The following EIF3E variants were observed in gnomAD, a reference collection of about 807,000 sequenced individuals.
EIF3E encodes the protein eIF-3 p48.
A neutral mutation model predicts 59.3 loss-of-function variants in EIF3E; 25 were observed. The ratio of observed to expected loss-of-function variants is 0.42; its 90% CI spans 0.31 to 0.59. The LOEUF (loss-of-function observed/expected upper bound fraction) is 0.59. Among genes scored for constraint, EIF3E ranks in the 20% least tolerant of loss-of-function variants. The pLI, the probability that EIF3E is intolerant of heterozygous loss-of-function variation, is 0.15. For missense variants in EIF3E, 317 were observed against 534.3 expected (o/e 0.59, Z 4.01); for synonymous variants, 176 against 170.2 (o/e 1.03, Z -0.26).
chr8:108,229,787 A>C (rs529885858), intron 5 of EIF3E, among the ~76,000 whole-genome samples: 1 of 152,098 alleles, frequency 6.6e-6, no homozygotes, highest in Non-Finnish European at 1.5e-5. Context: ...CAAAAACCCT[A>C]TATTTTTTTA....
intron 7 of EIF3E, among the ~76,000 whole-genome samples, chr8:108,225,444 A>G (rs1815500699): frequency 6.6e-6 from 1 of 151,346 alleles, no homozygotes; most frequent in Non-Finnish European, 1.5e-5. Context: ...TATTTCCCAA[A>G]CAACCAATGA....
At chr8:108,240,904 C>G (rs535393202) in intron 2 of EIF3E, among the ~76,000 whole-genome samples, 37 of 151,864 alleles carry the variant, frequency 2.4e-4, no homozygotes, top group African/African-American at 8.9e-4. Context: ...GGCGTGAACC[C>G]GGGAGGCGGA....
chr8:108,248,517 G>T (rs1815993312), intron 1 of EIF3E, 96 bp downstream of exon 1: 3 of 1,229,542 alleles, frequency 2.4e-6, no homozygotes, highest in Admixed American at 2.2e-5. Flanking sequence ...CGACCGCCTC[G>T]CACGTGTCAG....
intron 10 of EIF3E, 112 bp from the exon 11 acceptor site, chr8:108,203,615 A>G (rs546260134): frequency 3.0e-4 from 241 of 812,122 alleles, no homozygotes; most frequent in Non-Finnish European, 1.7e-4. Context: ...TTTCTGGATC[A>G]CCCTTCTCTT....
intron 9 of EIF3E, among the ~76,000 whole-genome samples, chr8:108,216,074 T>C (rs1446579582): frequency 6.6e-6 from 1 of 152,170 alleles, no homozygotes; most frequent in Admixed American, 6.5e-5. Flanking sequence ...ATATTAAAAA[T>C]ATTCATTCGA....
intron 10 of EIF3E, among the ~76,000 whole-genome samples, chr8:108,207,009 T>G (rs1448140965): frequency 6.6e-6 from 1 of 152,162 alleles, no homozygotes; most frequent in Non-Finnish European, 1.5e-5. Flanking sequence ...GATCTTTTAT[T>G]TGTTGATCTT....
At chr8:108,207,924 C>A (rs1563627036) in intron 10 of EIF3E, among the ~76,000 whole-genome samples, 3 of 151,850 alleles carry the variant, frequency 2.0e-5, no homozygotes, top group African/African-American at 7.3e-5. Flanking sequence ...CTTAAGGACA[C>A]AAGATAAATT....
intron 1 of EIF3E, among the ~76,000 whole-genome samples, chr8:108,247,055 C>T (rs1266402807): frequency 1.3e-5 from 2 of 152,148 alleles, no homozygotes; most frequent in African/African-American, 2.4e-5. Flanking sequence ...TAATTAAATA[C>T]TCCAGCATCT....
chr8:108,233,661 G>A, intron 5 of EIF3E: 1 of 412,016 alleles, frequency 2.4e-6, no homozygotes, highest in South Asian at 1.7e-5. Flanking sequence ...GGGCAACATA[G>A]CAAGACTCCA....
At chr8:108,219,386 T>C (rs906851999) in intron 7 of EIF3E, among the ~76,000 whole-genome samples, 1 of 152,196 alleles carries the variant, frequency 6.6e-6, no homozygotes, top group African/African-American at 2.4e-5. Flanking sequence ...CAGAATATTA[T>C]GCCAGATACT....
chr8:108,242,040 A>G, intron 1 of EIF3E, 127 bp from the exon 2 acceptor site: 1 of 1,225,616 alleles, frequency 8.2e-7, no homozygotes, highest in East Asian at 2.6e-5. Context: ...AACCATTAAC[A>G]TTCCCCTCTT....
chr8:108,242,511 T>C, intron 1 of EIF3E: 2 of 1,183,188 alleles, frequency 1.7e-6, no homozygotes, highest in South Asian at 3.3e-5. Context: ...CTACAAAATA[T>C]TCACGGACAG....
intron 1 of EIF3E, among the ~76,000 whole-genome samples, chr8:108,246,245 G>GT (rs1815945189): frequency 7.1e-6 from 1 of 141,634 alleles, no homozygotes; most frequent in African/African-American, 2.6e-5. Context: ...TGGACCATGA[G>GT]TAACTGGAAC....
rs1815273545 is a variant in EIF3E at position 108,214,892 on chromosome 8, C to T, written c.952-176G>A. 2.6e-5 allele frequency among the ~76,000 whole-genome samples: 4 copies of T among 152,052 alleles called. No individual in the cohort carries two copies. The South Asian group carries it at 8.3e-4, about 32-fold the overall frequency. On this transcript the variant is annotated intron_variant, in intron 9 of 12. Transcript: ENST00000220849. ...GATTTAAATAAGTAGTAAACGAATA[C>T]CACAAGATAAAGACCTAAAAACTGC...
intron 10 of EIF3E, among the ~76,000 whole-genome samples, chr8:108,208,432 A>C (rs1217280167): frequency 6.6e-6 from 1 of 152,174 alleles, no homozygotes; most frequent in African/African-American, 2.4e-5. Flanking sequence ...ACTATGTTTA[A>C]CTGTATGATT....
chr8:108,204,776 G>GAC (rs1815066201), intron 10 of EIF3E, among the ~76,000 whole-genome samples: 22 of 124,574 alleles, frequency 1.8e-4, no homozygotes, highest in Non-Finnish European at 2.6e-4. Flanking sequence ...GAGAGAGAGA[G>GAC]AGAGACAGAG....
At chr8:108,204,860 TAAA>T (rs1228007736) in intron 10 of EIF3E, among the ~76,000 whole-genome samples, 1 of 151,386 alleles carries the variant, frequency 6.6e-6, no homozygotes, top group Non-Finnish European at 1.5e-5. Flanking sequence ...GATCTTGATC[TAAA>T]ATACTCTTTG....
At chr8:108,209,261 GC>G (rs1472794128) in intron 10 of EIF3E, among the ~76,000 whole-genome samples, 1 of 151,996 alleles carries the variant, frequency 6.6e-6, no homozygotes, top group East Asian at 1.9e-4. Context: ...AAATAAGCCA[GC>G]ATAAACTAGT....
intron 8 of EIF3E, among the ~76,000 whole-genome samples, chr8:108,217,006 T>C (rs1423613787): frequency 2.6e-5 from 4 of 152,140 alleles, no homozygotes; most frequent in African/African-American, 7.2e-5. Context: ...TTCACCCATG[T>C]AGAATTACAC....
Sources: allele counts gnomAD v4.1 joint callset (sites outside exome capture counted in the v4.1 genomes callset), GRCh38; gene constraint gnomAD v4.1.1; transcripts MANE v1.5; gene names NCBI Gene and HGNC (gene_info 2026-07-23, HGNC 2026-07-21).